GRM3: variants seen among roughly 807,000 people sequenced by gnomAD.
GRM3 encodes metabotropic glutamate receptor 3.
GRM3 carries 26 observed loss-of-function variants against 70.5 expected under a neutral mutation model. The observed-to-expected ratio is 0.37, with a 90% CI of 0.27 to 0.51. GRM3 has a LOEUF of 0.51. Ranked by LOEUF, GRM3 falls within the 20% of genes least tolerant of loss-of-function variation. GRM3 has a pLI of 0.93. For synonymous variants in GRM3, 443 were observed against 434.9 expected (o/e 1.02, Z -0.23); for missense variants, 859 against 1,123.8 (o/e 0.76, Z 3.37).
At chr7:86,857,899 G>A (rs1798879818) in intron 5 of GRM3, among the ~76,000 whole-genome samples, 1 of 151,520 alleles carries the variant, frequency 6.6e-6, no homozygotes, top group Admixed American at 6.6e-5. Flanking sequence ...ACTTTTTGAG[G>A]GAAGGAGAAG....
intron 2 of GRM3, among the ~76,000 whole-genome samples, chr7:86,783,853 T>A (rs1484219406): frequency 1.3e-5 from 2 of 152,222 alleles, no homozygotes; most frequent in Non-Finnish European, 2.9e-5. Context: ...TATCACCCCA[T>A]GCTATTCAAT....
chr7:86,824,037 T>C (rs972068728), intron 3 of GRM3, among the ~76,000 whole-genome samples: 1 of 152,236 alleles, frequency 6.6e-6, no homozygotes, highest in Non-Finnish European at 1.5e-5. Flanking sequence ...GCCTAGAGAC[T>C]GGAAGTGCAA....
intron 3 of GRM3, among the ~76,000 whole-genome samples, chr7:86,823,182 T>A (rs1798157925): frequency 6.6e-6 from 1 of 152,184 alleles, no homozygotes; most frequent in South Asian, 2.1e-4. Context: ...GCCCTGCCAA[T>A]ATGCTGGACA....
At chr7:86,810,678 T>C (rs1797891915) in intron 3 of GRM3, among the ~76,000 whole-genome samples, 2 of 151,940 alleles carry the variant, frequency 1.3e-5, no homozygotes, top group African/African-American at 4.8e-5. Context: ...TAAAATACAC[T>C]GGACAGAGAA....
intron 1 of GRM3, among the ~76,000 whole-genome samples, chr7:86,723,564 C>T (rs570009399): frequency 5.9e-5 from 9 of 152,200 alleles, no homozygotes; most frequent in South Asian, 4.1e-4. Flanking sequence ...TTTTACCAAA[C>T]GAGTTAAAAA....
rs529612602 is a variant in GRM3 at position 86,692,045 on chromosome 7, A to G, written c.-141+47173A>G. Among the ~76,000 whole-genome samples, 19 of 152,318 alleles carry G rather than the reference A, an allele frequency of 1.2e-4. No homozygotes were observed. In the East Asian group the frequency reaches 3.7e-3, roughly 29 times the overall value. On this transcript the variant is annotated intron_variant, in intron 1 of 5. Transcript: ENST00000361669. Reference sequence around the variant, plus strand: ...TAACAGACAAAATCTACAAGTTAACATGTGATTTCACAGAGTCTGGGCCCG... The same window carrying G: ...TAACAGACAAAATCTACAAGTTAACGTGTGATTTCACAGAGTCTGGGCCCG...
rs531401129 is a variant in GRM3, at chr7:86,793,360, G to A, written c.1324+6244G>A. Among the ~76,000 whole-genome samples, 65 of 152,246 alleles carry A rather than the reference G, an allele frequency of 4.3e-4. 1 individual carries two copies. The highest frequency in any genetic ancestry group is 3.4e-3 in the Middle Eastern group (1 of 294). On this transcript the variant is annotated intron_variant, in intron 3 of 5. Coordinates refer to ENST00000361669, the MANE Select transcript of GRM3 (RefSeq NM_000840.3). ...CTTGAAAAGTACAGGGCCATCCAAG[G>A]CACAGTGAGGAAGCCAAAATGGTAA...
At chr7:86,790,765 T>C (rs558471766) in intron 3 of GRM3, among the ~76,000 whole-genome samples, 9 of 152,298 alleles carry the variant, frequency 5.9e-5, no homozygotes, top group African/African-American at 2.2e-4. Context: ...CAGATATTTC[T>C]GTGGTTAATC....
intron 2 of GRM3, among the ~76,000 whole-genome samples, chr7:86,785,509 A>ATT (rs572530767): frequency 4.6e-5 from 7 of 151,234 alleles, no homozygotes; most frequent in South Asian, 2.1e-4. Context: ...ATACCTTTTA[A>ATT]TTTTTTTTAA....
chr7:86,812,592 A>G (rs1166202181), intron 3 of GRM3, among the ~76,000 whole-genome samples: 1 of 151,796 alleles, frequency 6.6e-6, no homozygotes, highest in African/African-American at 2.4e-5. Flanking sequence ...TTCAAAGCCC[A>G]TTAGAATCTG....
intron 4 of GRM3, among the ~76,000 whole-genome samples, chr7:86,841,240 C>T (rs1009226895): frequency 2.0e-5 from 3 of 152,068 alleles, no homozygotes; most frequent in East Asian, 1.9e-4. Context: ...TGTATCTATT[C>T]GCTGTAAATT....
intron 1 of GRM3, among the ~76,000 whole-genome samples, chr7:86,645,354 C>G (rs902927257): frequency 6.6e-6 from 1 of 152,144 alleles, no homozygotes; most frequent in African/African-American, 2.4e-5. Flanking sequence ...CAGATAAGCT[C>G]CGAAGCCGGA....
intron 3 of GRM3, among the ~76,000 whole-genome samples, chr7:86,790,069 G>A (rs1797367424): frequency 6.6e-6 from 1 of 151,976 alleles, no homozygotes; most frequent in African/African-American, 2.4e-5. Flanking sequence ...CCCAAACATG[G>A]CATGCCTCTA....
At chr7:86,799,944 T>C (rs998473439) in intron 3 of GRM3, among the ~76,000 whole-genome samples, 1 of 152,208 alleles carries the variant, frequency 6.6e-6, no homozygotes, top group African/African-American at 2.4e-5. Flanking sequence ...CTTACTGATT[T>C]GTATATGTTG....
intron 1 of GRM3, among the ~76,000 whole-genome samples, chr7:86,697,635 T>C (rs1186037154): frequency 6.6e-6 from 1 of 152,182 alleles, no homozygotes; most frequent in Non-Finnish European, 1.5e-5. Flanking sequence ...CATAAGTCAA[T>C]AACCATTCTA....
At chr7:86,798,876 T>TGACACCTTG (rs1326060151) in intron 3 of GRM3, among the ~76,000 whole-genome samples, 3 of 82,734 alleles carry the variant, frequency 3.6e-5, no homozygotes, top group African/African-American at 1.1e-4. Context: ...AGTTCCCCTC[T>TGACACCTTG]TCTTGCCTGA....
At chr7:86,732,901 A>G (rs1227235870) in intron 1 of GRM3, among the ~76,000 whole-genome samples, 1 of 152,194 alleles carries the variant, frequency 6.6e-6, no homozygotes, top group Non-Finnish European at 1.5e-5. Flanking sequence ...TACAGACTCC[A>G]AACATAGTGT....
In GRM3 at chr7:86,786,042, T is replaced by C. The variant is rs1797230084; in HGVS notation, c.469-219T>C. 4 of 567,488 alleles carry C rather than the reference T, an allele frequency of 7.0e-6. No individual in the cohort carries two copies. In the South Asian group the frequency reaches 7.8e-5, roughly 11 times the overall value. 35.2% of individuals were successfully genotyped at this position (567,488 alleles called of 1,614,324 possible). On this transcript the variant is annotated intron_variant, in intron 2 of 5. Coordinates refer to ENST00000361669, the MANE Select transcript of GRM3 (RefSeq NM_000840.3). This position sits in a 1 kb window ranked among gnomAD's most constrained non-coding sequence, Gnocchi z 6.0. ...CTCATTTCTCTACTCTGCCCTTTCC[T>C]GAAGCACACACTACCTGTGTGAGAC...
At chr7:86,730,694 A>G (rs1584199049) in intron 1 of GRM3, among the ~76,000 whole-genome samples, 2 of 152,322 alleles carry the variant, frequency 1.3e-5, no homozygotes, top group African/African-American at 4.8e-5. Flanking sequence ...TCTTAAAAAT[A>G]GGCCGTTTTG....
Sources: gnomAD v4.1 joint callset for allele counts (sites outside exome capture counted in the v4.1 genomes callset) on GRCh38, gnomAD v4.1.1 for gene constraint, Gnocchi (gnomAD v3.1) non-coding constraint, MANE v1.5 for transcripts, NCBI Gene and HGNC (gene_info 2026-07-23, HGNC 2026-07-21) for gene names.